PALMD: variants seen among roughly 807,000 people sequenced by gnomAD.
The protein encoded by PALMD is paralemmin-like protein.
A neutral mutation model predicts 56.2 loss-of-function variants in PALMD; 42 were observed. The ratio of observed to expected loss-of-function variants is 0.75; its 90% CI spans 0.58 to 0.97. The LOEUF (loss-of-function observed/expected upper bound fraction) is 0.97. PALMD is among the 50% of genes least tolerant of loss of function. The probability of loss-of-function intolerance (pLI) is 0.00; values close to 1 mark genes in which losing one functional copy is unlikely to be tolerated. For synonymous variants in PALMD, 242 were observed against 222.9 expected (o/e 1.09, Z -0.76); for missense variants, 660 against 643.8 (o/e 1.03, Z -0.27).
chr1:99,665,182 T>C (rs772688599), intron 2 of PALMD, among the ~76,000 whole-genome samples: 2 of 152,176 alleles, frequency 1.3e-5, no homozygotes, highest in Non-Finnish European at 2.9e-5. Context: ...TACTCTACTG[T>C]AACTTCTGGG....
intron 1 of PALMD, among the ~76,000 whole-genome samples, chr1:99,656,806 G>A (rs949339761): frequency 1.3e-5 from 2 of 152,148 alleles, no homozygotes; most frequent in Non-Finnish European, 2.9e-5. Flanking sequence ...TTCTAAGCAA[G>A]CCACTTAACC....
chr1:99,692,967 T>G (rs1415731837), intron 7 of PALMD, among the ~76,000 whole-genome samples: 1 of 152,224 alleles, frequency 6.6e-6, no homozygotes, highest in African/African-American at 2.4e-5. Flanking sequence ...GCTCTTTAGC[T>G]TCATTGAAAT....
rs147087103 is a variant in PALMD at position 99,650,482 on chromosome 1, G to A, written c.45+4120G>A. 1.3e-3 allele frequency among the ~76,000 whole-genome samples: 196 copies of A among 152,170 alleles called. 1 individual carries two copies. Among genetic ancestry groups the A allele is most frequent in the African/African-American group, 4.6e-3 (190 of 41,514 alleles). On this transcript the variant is annotated intron_variant, in intron 1 of 7. Transcript: ENST00000263174. The stretch of plus-strand genomic sequence containing the variant: ...GACCAACATTAAAACAAGAACATGA[G>A]CACGGATGGGTTCTAGTTATTTCTT...
In PALMD at chr1:99,694,172, T is replaced by C; in HGVS notation, c.*110T>C. The C allele has an allele frequency of 1.4e-6, 1 of 716,962 alleles. No individual in the cohort carries two copies. Among genetic ancestry groups the C allele is most frequent in the Non-Finnish European group, 2.4e-6 (1 of 417,512 alleles). The allele number at this position is 716,962 out of a possible 1,614,324, so 44.4% of individuals were successfully genotyped here. On this transcript the variant is annotated 3_prime_UTR_variant, in exon 8 of 8. Coordinates refer to ENST00000263174, the MANE Select transcript of PALMD (RefSeq NM_017734.5). Reference sequence around the variant, plus strand: ...TTTCTGAAGTCCAAAAAATTATCATTACAGTGTACCATATTAAGCCATGTG... The same window carrying C: ...TTTCTGAAGTCCAAAAAATTATCATCACAGTGTACCATATTAAGCCATGTG...
chr1:99,690,063 A>C (rs898266067), intron 7 of PALMD, 191 bp downstream of exon 7: 16 of 517,724 alleles, frequency 3.1e-5, no homozygotes, highest in African/African-American at 1.6e-4. Context: ...AGATAAAGAA[A>C]GTAAAAATAA....
At chr1:99,675,549 G>A (rs1432527052) in intron 3 of PALMD, among the ~76,000 whole-genome samples, 1 of 152,036 alleles carries the variant, frequency 6.6e-6, no homozygotes, top group African/African-American at 2.4e-5. Flanking sequence ...TAAATGTTTG[G>A]CATGTACTAC....
intron 3 of PALMD, among the ~76,000 whole-genome samples, chr1:99,674,244 A>G (rs529037059): frequency 6.6e-6 from 1 of 152,264 alleles, no homozygotes; most frequent in East Asian, 1.9e-4. Flanking sequence ...TAAAGATTAA[A>G]TGGTTACTGG....
intron 3 of PALMD, among the ~76,000 whole-genome samples, chr1:99,675,921 G>T (rs1369778696): frequency 1.3e-5 from 2 of 152,124 alleles, no homozygotes; most frequent in Non-Finnish European, 2.9e-5. Context: ...ATTAATATTT[G>T]CAGAGTTATA....
At chr1:99,692,797 G>T (rs1311741747) in intron 7 of PALMD, among the ~76,000 whole-genome samples, 1 of 152,168 alleles carries the variant, frequency 6.6e-6, no homozygotes, top group Non-Finnish European at 1.5e-5. Flanking sequence ...TCTGCCTTCT[G>T]CCTTCTGTTC....
intron 3 of PALMD, among the ~76,000 whole-genome samples, chr1:99,679,529 C>T (rs539518402): frequency 6.6e-6 from 1 of 152,138 alleles, no homozygotes; most frequent in African/African-American, 2.4e-5. Flanking sequence ...ATCCCCAGTA[C>T]AGAAAAATAA....
intron 3 of PALMD, among the ~76,000 whole-genome samples, chr1:99,676,194 C>T (rs1653208582): frequency 6.6e-6 from 1 of 152,168 alleles, no homozygotes; most frequent in South Asian, 2.1e-4. Context: ...AATTCTCTGG[C>T]ATGCTTACCA....
At chr1:99,678,112 ATT>A (rs749171548) in intron 3 of PALMD, among the ~76,000 whole-genome samples, 2,057 of 137,328 alleles carry the variant, frequency 0.015, 47 homozygotes, top group African/African-American at 0.051. Flanking sequence ...GTCCTTTTCT[ATT>A]TTTTTTTTTT....
intron 3 of PALMD, among the ~76,000 whole-genome samples, chr1:99,677,111 T>A (rs78270457): frequency 0.037 from 5,574 of 152,228 alleles, 280 homozygotes; most frequent in African/African-American, 0.12. Context: ...TGTCAACACA[T>A]ATCATGCCAG....
chr1:99,687,333 G>GCGGTGACT, intron 6 of PALMD, 144 bp downstream of exon 6: 2 of 801,614 alleles, frequency 2.5e-6, no homozygotes, highest in South Asian at 2.1e-5. Flanking sequence ...GTGAGTCACC[G>GCGGTGACT]CATAGGTGAG....
chr1:99,654,048 A>G (rs909810018), intron 1 of PALMD, among the ~76,000 whole-genome samples: 2 of 152,072 alleles, frequency 1.3e-5, no homozygotes, highest in Non-Finnish European at 2.9e-5. Context: ...GAAAGCAATA[A>G]GGAAGAAAGA....
intron 6 of PALMD, 116 bp downstream of exon 6, chr1:99,687,305 C>T: frequency 8.4e-7 from 1 of 1,188,896 alleles, no homozygotes. Flanking sequence ...GTTCACTTTA[C>T]AAAGTTCTGT....
chr1:99,674,513 T>A (rs1653160579), intron 3 of PALMD, among the ~76,000 whole-genome samples: 3 of 152,030 alleles, frequency 2.0e-5, no homozygotes, highest in African/African-American at 7.3e-5. Context: ...GACCTCACAC[T>A]GCTTATTCTT....
At chr1:99,675,020 T>TA (rs1425936009) in intron 3 of PALMD, among the ~76,000 whole-genome samples, 1 of 152,246 alleles carries the variant, frequency 6.6e-6, no homozygotes, top group East Asian at 1.9e-4. Flanking sequence ...TTGTCTGCCA[T>TA]AAGGCAAATG....
At chr1:99,646,458 A>G in intron 1 of PALMD, 96 bp downstream of exon 1, 2 of 884,112 alleles carry the variant, frequency 2.3e-6, no homozygotes, top group South Asian at 2.7e-5. Flanking sequence ...CGCAAGTGGA[A>G]AAACAGAACT....
Sources: allele counts gnomAD v4.1 joint callset (sites outside exome capture counted in the v4.1 genomes callset), GRCh38; gene constraint gnomAD v4.1.1; transcripts MANE v1.5; gene names NCBI Gene and HGNC (gene_info 2026-07-23, HGNC 2026-07-21).